The following EML4 variants were observed in gnomAD, a reference collection of about 807,000 sequenced individuals.
The protein encoded by EML4 is echinoderm microtubule-associated protein-like 4.
A neutral mutation model predicts 129.0 loss-of-function variants in EML4; 72 were observed. That is an observed-to-expected ratio of 0.56 (90% confidence interval 0.46 to 0.68). The LOEUF (loss-of-function observed/expected upper bound fraction) is 0.68. Ranked by LOEUF, EML4 falls within the 30% of genes least tolerant of loss-of-function variation. The pLI, the probability that EML4 is intolerant of heterozygous loss-of-function variation, is 0.00. For missense variants in EML4, 1,363 were observed against 1,190.6 expected, an observed-to-expected ratio of 1.14 and a Z score of -2.13; for synonymous variants, 532 against 405.0, an observed-to-expected ratio of 1.31 and a Z score of -3.77.
intron 10 of EML4, among the ~76,000 whole-genome samples, 197 bp downstream of exon 10, chr2:42,286,576 GA>G (rs764394908): frequency 3.9e-5 from 6 of 152,184 alleles, no homozygotes; most frequent in African/African-American, 4.8e-5. Context: ...GTTTAGTTAG[GA>G]TGCAAGATAT....
In EML4 at chr2:42,315,959, C is replaced by T. The variant is rs1246565239; in HGVS notation, c.1968-3C>T. ...GAAAATTTTGATTTTTACTTCTTAA[C>T]AGGTGGTTTGTTCTGGATGCAGAAA... On this transcript the variant is annotated splice_polypyrimidine_tract_variant and splice_region_variant and intron_variant, in intron 17 of 22. Coordinates refer to ENST00000318522, the MANE Select transcript of EML4 (RefSeq NM_019063.5). The T allele has an allele frequency of 6.2e-6, 10 of 1,604,076 alleles. No homozygotes were observed. The highest frequency in any genetic ancestry group is 2.2e-5 in the East Asian group (1 of 44,748).
At chr2:42,220,530 TC>T (rs960109823) in intron 1 of EML4, among the ~76,000 whole-genome samples, 4 of 152,138 alleles carry the variant, frequency 2.6e-5, no homozygotes, top group Non-Finnish European at 2.9e-5. Flanking sequence ...CACTGGCTGT[TC>T]CTCTGTCTCT....
intron 2 of EML4, among the ~76,000 whole-genome samples, chr2:42,248,709 A>G (rs1675572416): frequency 6.6e-6 from 1 of 152,058 alleles, no homozygotes; most frequent in African/African-American, 2.4e-5. Context: ...ATTGATTTTT[A>G]AATTATACTT....
At chr2:42,203,554 C>T (rs1271412252) in intron 1 of EML4, among the ~76,000 whole-genome samples, 2 of 151,796 alleles carry the variant, frequency 1.3e-5, no homozygotes, top group African/African-American at 4.8e-5. Flanking sequence ...CCTATGGAAG[C>T]AGTTATACAA....
chr2:42,332,190 A>G lies in EML4; in HGVS notation c.*1983A>G, dbSNP rs2103859698. 1 of 219,016 alleles carries G rather than the reference A, an allele frequency of 4.6e-6. No individual in the cohort carries two copies. The highest frequency in any genetic ancestry group is 9.2e-6 in the Non-Finnish European group (1 of 109,026). The allele number at this position is 219,016 out of a possible 1,614,324, so 13.6% of individuals were successfully genotyped here. A position where few individuals can be genotyped will look rare whatever the true frequency, so the allele number is the denominator to read the frequency against. On this transcript the variant is annotated 3_prime_UTR_variant, in exon 23 of 23. Coordinates refer to ENST00000318522, the MANE Select transcript of EML4 (RefSeq NM_019063.5). ...TAAGTACCTGGGGAATACAGCTCTCAGTGATCAGCAGGGAGTTTATTTGAG... is the reference window on the plus strand; with the variant it reads ...TAAGTACCTGGGGAATACAGCTCTCGGTGATCAGCAGGGAGTTTATTTGAG...
chr2:42,272,403 A>G (rs959203276), intron 6 of EML4, among the ~76,000 whole-genome samples: 3 of 152,182 alleles, frequency 2.0e-5, no homozygotes, highest in African/African-American at 7.2e-5. Flanking sequence ...AATATATTCA[A>G]ATAATATAGT....
chr2:42,172,772 G>C (rs779910497), intron 1 of EML4, among the ~76,000 whole-genome samples: 3 of 151,944 alleles, frequency 2.0e-5, no homozygotes, highest in Non-Finnish European at 2.9e-5. Context: ...TTAAATCTCA[G>C]GTCTATGTGC....
chr2:42,190,462 T>G (rs1285267209), intron 1 of EML4, among the ~76,000 whole-genome samples: 2 of 152,210 alleles, frequency 1.3e-5, no homozygotes, highest in Non-Finnish European at 2.9e-5. Context: ...GAATCACAGA[T>G]AACTCCTAGT....
At chr2:42,216,528 A>C (rs901476267) in intron 1 of EML4, among the ~76,000 whole-genome samples, 21 of 152,202 alleles carry the variant, frequency 1.4e-4, no homozygotes, top group African/African-American at 4.6e-4. Context: ...GGCGTGAGCC[A>C]CCAGGCCCGG....
chr2:42,296,142 C>G (rs1202556349), intron 13 of EML4, among the ~76,000 whole-genome samples: 3 of 152,022 alleles, frequency 2.0e-5, no homozygotes, highest in Non-Finnish European at 2.9e-5. Context: ...TTTTTCGTTA[C>G]TATTTAAGAA....
In EML4 at chr2:42,288,335, A is replaced by G. The variant is rs755435992; in HGVS notation, c.1218+13A>G. The G allele has an allele frequency of 7.5e-7, 1 of 1,332,902 alleles. No individual in the cohort carries two copies. The highest frequency in any genetic ancestry group is 1.8e-5 in the Admixed American group (1 of 56,312). The allele number at this position is 1,332,902 out of a possible 1,614,324, so 82.6% of individuals were successfully genotyped here. ...AGCAGAAATAAAGGTAAATTTTTAA[A>G]AAACCGAGTATTGTGTTTTAGAGTA... On this transcript the variant is annotated intron_variant, in intron 11 of 22. Transcript: ENST00000318522.
At chr2:42,288,579 G>A in intron 11 of EML4, 1 of 214,648 alleles carries the variant, frequency 4.7e-6, no homozygotes. Context: ...CAGAGTAGAT[G>A]GATGTGTGAT....
chr2:42,281,570 T>G (rs1667012832), intron 7 of EML4, among the ~76,000 whole-genome samples: 1 of 152,182 alleles, frequency 6.6e-6, no homozygotes, highest in Non-Finnish European at 1.5e-5. Flanking sequence ...GTTTTGGCCC[T>G]GCCACTTACT....
At chr2:42,211,551 G>T (rs1328352686) in intron 1 of EML4, among the ~76,000 whole-genome samples, 2 of 152,198 alleles carry the variant, frequency 1.3e-5, no homozygotes, top group African/African-American at 2.4e-5. Flanking sequence ...TAACAAGTGT[G>T]ATATGCCTAA....
intron 1 of EML4, among the ~76,000 whole-genome samples, chr2:42,213,183 A>G (rs533768744): frequency 2.4e-4 from 37 of 152,344 alleles, no homozygotes; most frequent in Non-Finnish European, 4.7e-4. Flanking sequence ...TACACTCATG[A>G]TAACATAAAA....
At chr2:42,208,490 A>G (rs1672692665) in intron 1 of EML4, among the ~76,000 whole-genome samples, 1 of 147,616 alleles carries the variant, frequency 6.8e-6, no homozygotes, top group Non-Finnish European at 1.5e-5. Context: ...GCTGGAGTGC[A>G]GTGGTGCAAT....
chr2:42,234,157 T>C (rs949093533), intron 1 of EML4, among the ~76,000 whole-genome samples: 7 of 152,218 alleles, frequency 4.6e-5, no homozygotes, highest in East Asian at 3.8e-4. Flanking sequence ...TTTTATAAAA[T>C]AGAACACTTT....
Position 42,329,962 on chromosome 2 carries a change from C to T in EML4, c.2701C>T (p.Pro901Ser). The change falls in exon 23 of 23, where the codon CCT (proline) becomes TCT (serine). Residue 901 changes from proline to serine, a missense_variant. Physicochemically the swap from Pro to Ser is moderately conservative, Grantham distance 74. Coordinates refer to ENST00000318522, the MANE Select transcript of EML4 (RefSeq NM_019063.5). ...CATCCAATCTAATACTCCCACACCG[C>T]CTCCTTCTCAGCCCTTAAATGAGAC... ...SVIQSNTPTPPPSQPLNETAE... is the reference protein window; with the variant it reads ...SVIQSNTPTPSPSQPLNETAE... 3 of 1,613,964 alleles carry T rather than the reference C, an allele frequency of 1.9e-6. No individual in the cohort carries two copies. The highest frequency in any genetic ancestry group is 2.2e-5 in the South Asian group (2 of 91,066).
chr2:42,231,971 C>T (rs1026237873), intron 1 of EML4, among the ~76,000 whole-genome samples: 67 of 151,892 alleles, frequency 4.4e-4, no homozygotes, highest in African/African-American at 1.5e-3. Context: ...TTATTTATTT[C>T]TAATTTCTGG....
Sources: allele counts gnomAD v4.1 joint callset (sites outside exome capture counted in the v4.1 genomes callset), GRCh38; gene constraint gnomAD v4.1.1; transcripts MANE v1.5; gene names NCBI Gene and HGNC (gene_info 2026-07-23, HGNC 2026-07-21).